The following RASA3 variants were observed in gnomAD, a reference collection of about 807,000 sequenced individuals.
RASA3 encodes RAS p21 protein activator 3, also known as ras GTPase-activating protein 3.
Under a neutral mutation model 110.0 loss-of-function variants are expected in RASA3, and 73 were observed. The observed-to-expected ratio is 0.66, with a 90% CI of 0.55 to 0.81. The LOEUF is 0.81. Ranked by LOEUF, RASA3 falls within the 30% of genes least tolerant of loss-of-function variation. The pLI is 0.00. For missense variants in RASA3, 976 were observed against 1,113.2 expected, an observed-to-expected ratio of 0.88 and a Z score of 1.75; for synonymous variants, 500 against 451.4, an observed-to-expected ratio of 1.11 and a Z score of -1.37.
intron 14 of RASA3, 77 bp from the exon 15 acceptor site, chr13:114,013,325 G>A (rs1401120466): frequency 8.3e-6 from 9 of 1,085,422 alleles, no homozygotes; most frequent in African/African-American, 6.2e-5. Context: ...CCGGCCCCCT[G>A]AGGGTCCGCA....
chr13:114,050,344 G>A (rs1368905749), intron 3 of RASA3, among the ~76,000 whole-genome samples: 1 of 152,222 alleles, frequency 6.6e-6, no homozygotes, highest in African/African-American at 2.4e-5. Flanking sequence ...GGTGTCCGCT[G>A]CGGAAGCACC....
In RASA3 at chr13:114,015,259, A is replaced by G. The variant is rs374677570; in HGVS notation, c.1355T>C (p.Met452Thr). The G allele has an allele frequency of 9.9e-6, 16 of 1,613,194 alleles. No homozygotes were observed. The highest frequency in any genetic ancestry group is 6.7e-5 in the Admixed American group (4 of 60,024). Residue 452 changes from methionine to threonine, a missense_variant, in exon 14 of 24, where the codon ATG becomes ACG. By Grantham distance (81) the Met-to-Thr change is moderately conservative. Transcript: ENST00000334062. Reference sequence around the variant, plus strand: ...CCGGAGGGAGAAGAAGATGTCACACATGACGGTCGGGCAGCTCACCCCAGA... The same window carrying G: ...CCGGAGGGAGAAGAAGATGTCACACGTGACGGTCGGGCAGCTCACCCCAGA... ...TESGVSCPTV[M>T]CDIFFSLREA...
chr13:114,111,197 C>T (rs1162759601), intron 1 of RASA3, among the ~76,000 whole-genome samples: 2 of 53,878 alleles, frequency 3.7e-5, no homozygotes, highest in East Asian at 6.8e-4. Flanking sequence ...AGCTGCAGGC[C>T]GAGTTCTAAC....
At chr13:114,030,381 GACTCACACA>G in intron 4 of RASA3, among the ~76,000 whole-genome samples, 1 of 118,218 alleles carries the variant, frequency 8.5e-6, no homozygotes, top group African/African-American at 2.7e-5. Context: ...CAGAGGGCAA[GACTCACACA>G]GGAGGCAAGA....
chr13:114,007,544 C>G lies in RASA3; in HGVS notation c.1731G>C (p.Val577=), dbSNP rs1307415240. ...CTTACCCTCCTTACCCTTCTTTAAG[C>G]ACGATGGGCTGCTCAACACTCTTGG... ...RDPKSVEQPI[V]LKEGFMIKRA... The change falls in exon 18 of 24, where the codon GTG becomes GTC. Residue 577 remains valine, a synonymous_variant. Coordinates refer to ENST00000334062, the MANE Select transcript of RASA3 (RefSeq NM_007368.4). 6.2e-7 allele frequency: 1 copy of G among 1,613,126 alleles called. No homozygotes were observed. Among genetic ancestry groups the G allele is most frequent in the South Asian group, 1.1e-5 (1 of 91,050 alleles).
At chr13:114,103,842 CT>C (rs1213804046) in intron 1 of RASA3, among the ~76,000 whole-genome samples, 2 of 53,224 alleles carry the variant, frequency 3.8e-5, no homozygotes, top group Non-Finnish European at 7.7e-5. Flanking sequence ...ACACCCACCC[CT>C]GATGCGTTCA....
At chr13:114,080,967 T>C (rs1313748266) in intron 1 of RASA3, among the ~76,000 whole-genome samples, 181 of 121,378 alleles carry the variant, frequency 1.5e-3, no homozygotes, top group Admixed American at 0.012. Context: ...GCCGTCCACC[T>C]AGAACACCAA....
At chr13:114,098,378 C>G (rs144508132) in intron 1 of RASA3, among the ~76,000 whole-genome samples, 1 of 152,288 alleles carries the variant, frequency 6.6e-6, no homozygotes, top group Non-Finnish European at 1.5e-5. Context: ...CGTGCCCAGC[C>G]AGGCCTCACA....
chr13:114,057,342 G>A lies in RASA3; in HGVS notation c.174-5187C>T, dbSNP rs969246871. ...CTGAGCCACCAACCACTGTGACCAA[G>A]CTTCATTCCCACGAGCTGGACGAGC... is the stretch of plus-strand genomic sequence containing the variant. On this transcript the variant is annotated intron_variant, in intron 2 of 23. Coordinates refer to ENST00000334062, the MANE Select transcript of RASA3 (RefSeq NM_007368.4). This position sits in a 1 kb window ranked among gnomAD's most constrained non-coding sequence, Gnocchi z 5.0. 1.1e-5 allele frequency: 11 copies of A among 985,432 alleles called. No individual in the cohort carries two copies. The highest frequency in any genetic ancestry group is 1.3e-5 in the Non-Finnish European group (11 of 829,932). The allele number at this position is 985,432 out of a possible 1,614,324, so 61.0% of individuals were successfully genotyped here. A position where few individuals can be genotyped will look rare whatever the true frequency, so the allele number is the denominator to read the frequency against.
chr13:114,100,325 A>G (rs894288865), intron 1 of RASA3, among the ~76,000 whole-genome samples: 2 of 152,060 alleles, frequency 1.3e-5, no homozygotes, highest in African/African-American at 4.8e-5. Flanking sequence ...AGCTTCGGCC[A>G]TGGGGTGCAC....
chr13:114,016,279 G>T lies in RASA3; in HGVS notation c.1207-8C>A. The T allele has an allele frequency of 6.4e-7, 1 of 1,573,516 alleles. No individual in the cohort carries two copies. The highest frequency in any genetic ancestry group is 8.7e-7 in the Non-Finnish European group (1 of 1,143,370). On this transcript the variant is annotated splice_polypyrimidine_tract_variant and splice_region_variant and intron_variant, in intron 12 of 23. Coordinates refer to ENST00000334062, the MANE Select transcript of RASA3 (RefSeq NM_007368.4). ...TTTGTGGCTCTGGCATATCTGGGGAGAGGTTTAAGACAGGGCTCTGTGAGT... is the reference window on the plus strand; with the variant it reads ...TTTGTGGCTCTGGCATATCTGGGGATAGGTTTAAGACAGGGCTCTGTGAGT...
chr13:114,039,249 G>T (rs1311137688), intron 4 of RASA3, among the ~76,000 whole-genome samples: 3 of 152,066 alleles, frequency 2.0e-5, no homozygotes, highest in African/African-American at 7.2e-5. Flanking sequence ...TACGTCCCAG[G>T]GCCGCTGTGC....
chr13:114,045,926 T>C (rs1294976842), intron 3 of RASA3, among the ~76,000 whole-genome samples: 1 of 104,190 alleles, frequency 9.6e-6, no homozygotes, highest in African/African-American at 4.8e-5. Flanking sequence ...TGAGAGAAAT[T>C]GGAAAGACCC....
intron 1 of RASA3, among the ~76,000 whole-genome samples, chr13:114,100,708 C>T (rs1400235579): frequency 6.6e-6 from 1 of 152,164 alleles, no homozygotes; most frequent in East Asian, 1.9e-4. Context: ...CAGGCTGGTT[C>T]GGTCTCTCTG....
intron 2 of RASA3, among the ~76,000 whole-genome samples, chr13:114,062,501 C>T (rs921598008): frequency 3.3e-5 from 5 of 152,132 alleles, no homozygotes; most frequent in South Asian, 2.1e-4. Flanking sequence ...ACAGTCGCCA[C>T]GGGACACAGT....
intron 3 of RASA3, among the ~76,000 whole-genome samples, chr13:114,045,401 A>G (rs2079036856): frequency 1.3e-5 from 2 of 152,172 alleles, no homozygotes. Flanking sequence ...AGAAAGGAGG[A>G]GCCAGGGGTC....
At chr13:114,050,318 C>T (rs946061555) in intron 3 of RASA3, among the ~76,000 whole-genome samples, 3 of 152,212 alleles carry the variant, frequency 2.0e-5, no homozygotes, top group Non-Finnish European at 4.4e-5. Flanking sequence ...CTTCTGCAGC[C>T]GCATTTCAGG....
chr13:114,019,730 GTC>G (rs1486141120), intron 9 of RASA3, among the ~76,000 whole-genome samples: 1 of 151,230 alleles, frequency 6.6e-6, no homozygotes, highest in African/African-American at 2.4e-5. Flanking sequence ...TGGAGCCTGT[GTC>G]TGAGACATTG....
chr13:114,024,367 C>G lies in RASA3; in HGVS notation c.604-12G>C. On this transcript the variant is annotated splice_polypyrimidine_tract_variant and intron_variant, in intron 7 of 23. Coordinates refer to ENST00000334062, the MANE Select transcript of RASA3 (RefSeq NM_007368.4). ...CAGGGCCGGGTCACCTGGAGTCAGA[C>G]GAGAGAGAAAGCGCTGAGACCGCGG... The G allele has an allele frequency of 6.2e-7, 1 of 1,613,132 alleles. No homozygotes were observed. Among genetic ancestry groups the G allele is most frequent in the Non-Finnish European group, 8.5e-7 (1 of 1,179,396 alleles).
Sources: allele counts gnomAD v4.1 joint callset (sites outside exome capture counted in the v4.1 genomes callset), GRCh38; gene constraint gnomAD v4.1.1; non-coding constraint Gnocchi (gnomAD v3.1); transcripts MANE v1.5; gene names NCBI Gene and HGNC (gene_info 2026-07-23, HGNC 2026-07-21).